Variants in EPB41L1 observed in about 807,000 individuals in gnomAD.
EPB41L1 encodes erythrocyte membrane protein band 4.1 like 1, also known as band 4.1-like protein 1.
In EPB41L1, 29 loss-of-function variants were observed where a neutral mutation model predicts 97.8. The ratio of observed to expected loss-of-function variants is 0.30; its 90% CI spans 0.22 to 0.40. EPB41L1 has a LOEUF of 0.40. EPB41L1 is among the 10% of genes least tolerant of loss of function. The probability of loss-of-function intolerance (pLI) is 1.00; values close to 1 mark genes in which losing one functional copy is unlikely to be tolerated. For missense variants in EPB41L1, 812 were observed against 1,162.3 expected (o/e 0.70, Z 4.38); for synonymous variants, 383 against 459.2 (o/e 0.83, Z 2.12).
intron 1 of EPB41L1, among the ~76,000 whole-genome samples, chr20:36,096,442 C>T (rs571808899): frequency 6.6e-6 from 1 of 152,322 alleles, no homozygotes; most frequent in Admixed American, 6.5e-5. Context: ...CTTCAGGATC[C>T]AGTTCCTGCC....
At chr20:36,191,200 G>T (rs1469175396) in intron 11 of EPB41L1, among the ~76,000 whole-genome samples, 2 of 152,134 alleles carry the variant, frequency 1.3e-5, no homozygotes, top group Non-Finnish European at 2.9e-5. Flanking sequence ...GCAGGCTGGT[G>T]TCCCTTACAC....
intron 1 of EPB41L1, chr20:36,155,809 G>A (rs1331878133): frequency 2.7e-6 from 1 of 372,616 alleles, no homozygotes; most frequent in Non-Finnish European, 5.4e-6. Flanking sequence ...GATCCGCATA[G>A]CACCTCCTCT....
chr20:36,153,784 C>T (rs1372698842), upstream of EPB41L1, among the ~76,000 whole-genome samples: 1 of 152,192 alleles, frequency 6.6e-6, no homozygotes, highest in Non-Finnish European at 1.5e-5. Flanking sequence ...TCCCAGAGTC[C>T]TCTGTGGCTT....
upstream of EPB41L1, among the ~76,000 whole-genome samples, chr20:36,154,508 G>A (rs1445352532): frequency 1.3e-5 from 2 of 151,930 alleles, no homozygotes; most frequent in South Asian, 2.1e-4. This position sits in a 1 kb window ranked among gnomAD's most constrained non-coding sequence, Gnocchi z 5.5. Flanking sequence ...GAGAGAGGGC[G>A]GGGCGCGGGG....
rs1009282186 is a variant in EPB41L1, at chr20:36,195,513, G to A, written c.1485+149G>A. ...TCCCCAGCCATCCCCCTCTGCAGCC[G>A]TCCTTGCTCCCCACTCCGCCACCCG... is the stretch of plus-strand genomic sequence containing the variant. On this transcript the variant is annotated intron_variant, in intron 13 of 21. Transcript: ENST00000338074. This position sits in a 1 kb window ranked among gnomAD's most constrained non-coding sequence, Gnocchi z 4.6. 3.4e-5 allele frequency: 32 copies of A among 950,050 alleles called. No homozygotes were observed. The highest frequency in any genetic ancestry group is 1.4e-4 in the South Asian group (10 of 72,452). 58.9% of individuals were successfully genotyped at this position (950,050 alleles called of 1,614,324 possible). A position where few individuals can be genotyped will look rare whatever the true frequency, so the allele number is the denominator to read the frequency against.
chr20:36,157,542 G>A (rs1213049431), intron 1 of EPB41L1, among the ~76,000 whole-genome samples: 9 of 152,186 alleles, frequency 5.9e-5, no homozygotes, highest in Middle Eastern at 6.3e-3. Flanking sequence ...CCAGGTTGGT[G>A]TCCAGTGGAG....
chr20:36,209,767 T>A lies in EPB41L1; in HGVS notation c.1948T>A (p.Ser650Thr), dbSNP rs762150722. 1.2e-5 allele frequency: 19 copies of A among 1,613,972 alleles called. No homozygotes were observed. The highest frequency in any genetic ancestry group is 1.7e-5 in the Admixed American group (1 of 60,006). Reference sequence around the variant, plus strand: ...TGAGCTCGACCGGGACAAAAGCGACTCGGACACTGAGGGCCTGCTGTTCTC... The same window carrying A: ...TGAGCTCGACCGGGACAAAAGCGACACGGACACTGAGGGCCTGCTGTTCTC... ...LPELDRDKSD[S>T]DTEGLLFSRD... Residue 650 changes from serine to threonine, a missense_variant, in exon 15 of 22, where the codon TCG (serine) becomes ACG (threonine). Around this residue, in one of 3 missense-constraint regions of EPB41L1, gnomAD observed 498 missense variants for 622.7 expected, o/e 0.80. Transcript: ENST00000338074. This position sits in a 1 kb window ranked among gnomAD's most constrained non-coding sequence, Gnocchi z 4.2.
intron 1 of EPB41L1, among the ~76,000 whole-genome samples, chr20:36,171,033 G>A (rs2060965608): frequency 6.6e-6 from 1 of 152,136 alleles, no homozygotes; most frequent in African/African-American, 2.4e-5. Context: ...GAGGCCATCG[G>A]AGAGGGAGGA....
At chr20:36,187,495 G>A (rs2146264131) in intron 7 of EPB41L1, among the ~76,000 whole-genome samples, 181 bp from the exon 8 acceptor site, 1 of 152,290 alleles carries the variant, frequency 6.6e-6, no homozygotes, top group South Asian at 2.1e-4. Flanking sequence ...TGGGGGTTGG[G>A]TGGGCTGAAG....
chr20:36,171,481 C>T (rs2060985242), intron 1 of EPB41L1, among the ~76,000 whole-genome samples: 1 of 152,146 alleles, frequency 6.6e-6, no homozygotes, highest in African/African-American at 2.4e-5. Flanking sequence ...GCCTTCCCTT[C>T]CTCCTCATCT....
chr20:36,218,259 T>C (rs1382082371), intron 17 of EPB41L1, among the ~76,000 whole-genome samples: 1 of 152,204 alleles, frequency 6.6e-6, no homozygotes, highest in East Asian at 1.9e-4. Flanking sequence ...ATATTAAAAA[T>C]AATGCCCAAC....
rs1372430535 is a variant in EPB41L1, at chr20:36,232,194, C to T, written c.*2854C>T. ...TCCTTCTCTTTGTAGAGAATAGAGA[C>T]GTTTGTCTTGTCTGTCTTCAACCTA... On this transcript the variant is annotated 3_prime_UTR_variant, in exon 22 of 22. Transcript: ENST00000338074. The T allele has an allele frequency of 6.3e-6, 1 of 158,140 alleles. No individual in the cohort carries two copies. Among genetic ancestry groups the T allele is most frequent in the African/African-American group, 2.4e-5 (1 of 41,706 alleles). The allele number at this position is 158,140 out of a possible 1,614,324, so 9.8% of individuals were successfully genotyped here. A position where few individuals can be genotyped will look rare whatever the true frequency, so the allele number is the denominator to read the frequency against.
rs1349654029 is a variant in EPB41L1, at chr20:36,154,877, A to T, written c.-34A>T. 2.9e-6 allele frequency: 3 copies of T among 1,020,882 alleles called. No homozygotes were observed. The highest frequency in any genetic ancestry group is 5.0e-4 in the Middle Eastern group (1 of 2,012). The allele number at this position is 1,020,882 out of a possible 1,614,324, so 63.2% of individuals were successfully genotyped here. The stretch of plus-strand genomic sequence containing the variant: ...CCGCCCCTCGCCCAACCTGCCCGAC[A>T]TGGGGAACCCCGGGCCCAGGTAGGC... On this transcript the variant is annotated 5_prime_UTR_variant, in exon 1 of 22. An upstream start codon of the reference 5' UTR is lost. Transcript: ENST00000338074. This position sits in a 1 kb window ranked among gnomAD's most constrained non-coding sequence, Gnocchi z 5.5.
At chr20:36,197,710 T>C (rs1379334538) in intron 13 of EPB41L1, 149 bp from the exon 14 acceptor site, 4 of 1,543,346 alleles carry the variant, frequency 2.6e-6, no homozygotes, top group Non-Finnish European at 3.5e-6. Context: ...GGTTTGTCTC[T>C]GGGGCTGCCA....
chr20:36,186,448 G>A (rs146931109), intron 7 of EPB41L1, among the ~76,000 whole-genome samples: 2,415 of 152,216 alleles, frequency 0.016, 22 homozygotes, highest in Middle Eastern at 0.027. Context: ...AGTCAGATGT[G>A]GAGGGATCGT....
chr20:36,143,517 G>T (rs34097552), intron 2 of EPB41L1, among the ~76,000 whole-genome samples: 1 of 152,128 alleles, frequency 6.6e-6, no homozygotes, highest in Non-Finnish European at 1.5e-5. Flanking sequence ...CTTTAATGTA[G>T]GGTTCCTTTA....
At chr20:36,210,439 C>T (rs1054765735) in intron 15 of EPB41L1, among the ~76,000 whole-genome samples, 1 of 152,076 alleles carries the variant, frequency 6.6e-6, no homozygotes, top group Non-Finnish European at 1.5e-5. Flanking sequence ...GTGGTCTCCT[C>T]TGTAGAGCTG....
chr20:36,148,220 T>C (rs2059912131), intron 2 of EPB41L1, among the ~76,000 whole-genome samples: 1 of 152,128 alleles, frequency 6.6e-6, no homozygotes, highest in South Asian at 2.1e-4. Flanking sequence ...GTGGCCATTA[T>C]CCTAAAGCTC....
intron 3 of EPB41L1, among the ~76,000 whole-genome samples, chr20:36,177,326 C>A (rs1407585936): frequency 1.3e-5 from 2 of 152,182 alleles, no homozygotes; most frequent in African/African-American, 4.8e-5. Context: ...CAGAGAGGCC[C>A]AAGCCTAGCT....
Sources: allele counts gnomAD v4.1 joint callset (sites outside exome capture counted in the v4.1 genomes callset), GRCh38; gene constraint gnomAD v4.1.1; regional missense constraint gnomAD v4.1.1; non-coding constraint Gnocchi (gnomAD v3.1); transcripts MANE v1.5; gene names NCBI Gene and HGNC (gene_info 2026-07-23, HGNC 2026-07-21).